Variants in ZFHX3 observed in about 807,000 individuals in gnomAD.
ZFHX3 encodes zinc finger homeobox protein 3.
In ZFHX3, 42 loss-of-function variants were observed where a neutral mutation model predicts 279.1. The observed-to-expected ratio is 0.15, with a 90% CI of 0.12 to 0.19. The LOEUF (loss-of-function observed/expected upper bound fraction) is 0.19, where lower values mean the gene tolerates loss of function less well. ZFHX3 is among the 10% of genes least tolerant of loss of function. The probability of loss-of-function intolerance (pLI) is 1.00; values close to 1 mark genes in which losing one functional copy is unlikely to be tolerated. For missense variants in ZFHX3, 4,981 were observed against 4,754.0 expected (o/e 1.05, Z -1.40); for synonymous variants, 2,293 against 1,957.8 (o/e 1.17, Z -4.52).
At chr16:73,696,262 G>T (rs1567554519) in intron 1 of ZFHX3, among the ~76,000 whole-genome samples, 1 of 152,188 alleles carries the variant, frequency 6.6e-6, no homozygotes, top group Non-Finnish European at 1.5e-5. Context: ...AGTTAGTAAT[G>T]AGCAGCCTTA....
intron 4 of ZFHX3, among the ~76,000 whole-genome samples, chr16:73,267,681 T>C (rs2014016818): frequency 6.6e-6 from 1 of 152,156 alleles, no homozygotes; most frequent in African/African-American, 2.4e-5. Context: ...GGCAGCTTGG[T>C]CTAGCCTGGG....
chr16:73,034,789 C>T (rs1433486343), intron 1 of ZFHX3, among the ~76,000 whole-genome samples: 2 of 152,208 alleles, frequency 1.3e-5, no homozygotes, highest in Non-Finnish European at 2.9e-5. Context: ...GTCAGGTGAG[C>T]ACCCCCACCT....
intron 1 of ZFHX3, among the ~76,000 whole-genome samples, chr16:72,974,420 C>T (rs1247715325): frequency 6.6e-6 from 1 of 152,196 alleles, no homozygotes; most frequent in Non-Finnish European, 1.5e-5. Flanking sequence ...TCCAAAATGA[C>T]TCTGAAACAA....
At chr16:73,562,903 T>C (rs1402359793) in intron 2 of ZFHX3, among the ~76,000 whole-genome samples, 1 of 152,110 alleles carries the variant, frequency 6.6e-6, no homozygotes, top group Non-Finnish European at 1.5e-5. Context: ...ATCCACCCCC[T>C]AGCAAGGCTA....
In ZFHX3 at chr16:73,073,631, T is replaced by C. The variant is rs1965850544; in HGVS notation, c.-532-14619A>G. On this transcript the variant is annotated intron_variant, in intron 8 of 17. Transcript: ENST00000641206. ...CTCCTGCCTCAGCTTCCCAAGCAGC[T>C]GGGATTATAGGCACCTGCCACCATG... Among the ~76,000 whole-genome samples, 4 of 152,174 alleles carry C rather than the reference T, an allele frequency of 2.6e-5. No homozygotes were observed. In the South Asian group the frequency reaches 8.3e-4, roughly 32 times the overall value.
chr16:73,478,866 C>A (rs1481115268), intron 2 of ZFHX3, among the ~76,000 whole-genome samples: 4 of 152,130 alleles, frequency 2.6e-5, no homozygotes, highest in Non-Finnish European at 5.9e-5. Context: ...GCCTGGCCAG[C>A]ATGGTGAAAC....
At chr16:73,266,771 C>A (rs915703216) in intron 4 of ZFHX3, among the ~76,000 whole-genome samples, 2 of 152,174 alleles carry the variant, frequency 1.3e-5, no homozygotes, top group African/African-American at 4.8e-5. Flanking sequence ...GTTTTATAAG[C>A]GGGAGTTTCC....
intron 1 of ZFHX3, among the ~76,000 whole-genome samples, chr16:73,013,013 G>C (rs1405712994): frequency 6.6e-6 from 1 of 152,166 alleles, no homozygotes; most frequent in Non-Finnish European, 1.5e-5. Context: ...GACTGCCAAA[G>C]GCAGCCTATA....
At chr16:73,646,938 T>C (rs1003602437) in intron 2 of ZFHX3, among the ~76,000 whole-genome samples, 2 of 152,020 alleles carry the variant, frequency 1.3e-5, no homozygotes, top group African/African-American at 2.4e-5. Flanking sequence ...AAGAACGTAA[T>C]TACGCAGGGA....
chr16:73,295,323 C>G (rs1430313403), intron 4 of ZFHX3, among the ~76,000 whole-genome samples: 1 of 152,236 alleles, frequency 6.6e-6, no homozygotes, highest in Non-Finnish European at 1.5e-5. Context: ...CTCTGCTTCT[C>G]CCTCTTCCAA....
At chr16:73,574,353 C>CG (rs34467145) in intron 2 of ZFHX3, among the ~76,000 whole-genome samples, 1 of 152,266 alleles carries the variant, frequency 6.6e-6, no homozygotes, top group African/African-American at 2.4e-5. Context: ...GGGCCCCCCC[C>CG]AGCATCCACT....
chr16:73,536,157 G>C (rs924845503), intron 2 of ZFHX3, among the ~76,000 whole-genome samples: 1 of 152,152 alleles, frequency 6.6e-6, no homozygotes. Context: ...AGTGCAGTCA[G>C]GCACACCGAT....
At chr16:73,197,389 T>A (rs938555549) in intron 5 of ZFHX3, among the ~76,000 whole-genome samples, 1 of 152,172 alleles carries the variant, frequency 6.6e-6, no homozygotes, top group African/African-American at 2.4e-5. Context: ...GCTAGCAAGG[T>A]GGATATGGTG....
intron 1 of ZFHX3, among the ~76,000 whole-genome samples, chr16:73,861,606 C>G (rs1225812475): frequency 6.6e-6 from 1 of 152,148 alleles, no homozygotes; most frequent in African/African-American, 2.4e-5. Context: ...CCCACTCACT[C>G]CCAGTAGTGG....
At chr16:73,598,583 A>T (rs1018756961) in intron 2 of ZFHX3, among the ~76,000 whole-genome samples, 2 of 151,464 alleles carry the variant, frequency 1.3e-5, no homozygotes, top group African/African-American at 4.9e-5. Flanking sequence ...ACGCCCGACC[A>T]ATTTTTAAAA....
intron 4 of ZFHX3, among the ~76,000 whole-genome samples, chr16:73,284,371 A>C (rs942971309): frequency 6.6e-6 from 1 of 151,476 alleles, no homozygotes; most frequent in Admixed American, 6.6e-5. Flanking sequence ...TGAATCCACT[A>C]TCCTAAGATG....
At chr16:72,966,326 AC>A (rs1961837554) in intron 1 of ZFHX3, among the ~76,000 whole-genome samples, 1 of 152,250 alleles carries the variant, frequency 6.6e-6, no homozygotes, top group Non-Finnish European at 1.5e-5. Flanking sequence ...AGATGGAAAA[AC>A]ATGAAGCCCT....
intron 1 of ZFHX3, among the ~76,000 whole-genome samples, chr16:73,791,255 G>T (rs1303608166): frequency 6.6e-6 from 1 of 151,300 alleles, no homozygotes; most frequent in Non-Finnish European, 1.5e-5. Context: ...ATGAGCCACC[G>T]TGCCCAGCCC....
intron 2 of ZFHX3, among the ~76,000 whole-genome samples, chr16:73,601,905 C>A (rs1567530427): frequency 6.6e-6 from 1 of 152,140 alleles, no homozygotes; most frequent in Non-Finnish European, 1.5e-5. Context: ...TGGTCAGGAA[C>A]AAAACACACC....
Sources: allele counts gnomAD v4.1 joint callset (sites outside exome capture counted in the v4.1 genomes callset), GRCh38; gene constraint gnomAD v4.1.1; transcripts MANE v1.5; gene names NCBI Gene and HGNC (gene_info 2026-07-23, HGNC 2026-07-21).